The following FBXO4 variants were observed in gnomAD, a reference collection of about 807,000 sequenced individuals.
FBXO4 encodes F-box protein 4.
Under a neutral mutation model 43.7 loss-of-function variants are expected in FBXO4, and 36 were observed. The ratio of observed to expected loss-of-function variants is 0.82; its 90% CI spans 0.63 to 1.09. The LOEUF is 1.09. Among genes scored for constraint, FBXO4 ranks in the 50% least tolerant of loss-of-function variants. The pLI, the probability that FBXO4 is intolerant of heterozygous loss-of-function variation, is 0.00. For missense variants in FBXO4, 435 were observed against 474.1 expected, an observed-to-expected ratio of 0.92 and a Z score of 0.77; for synonymous variants, 180 against 165.6, an observed-to-expected ratio of 1.09 and a Z score of -0.67.
At chr5:41,972,270 T>C in the FBXO4 span, among the ~76,000 whole-genome samples, 6 of 152,056 alleles carry the variant, frequency 3.9e-5, no homozygotes, top group African/African-American at 1.4e-4. Context: ...AAAATCAATG[T>C]ATAAAAATTA....
At chr5:41,953,567 G>T in the FBXO4 span, among the ~76,000 whole-genome samples, 1 of 150,250 alleles carries the variant, frequency 6.7e-6, no homozygotes, top group Non-Finnish European at 1.5e-5. Context: ...CTGAGGAATC[G>T]CCACACTGAC....
At chr5:42,010,606 A>T in the FBXO4 span, among the ~76,000 whole-genome samples, 19 of 152,136 alleles carry the variant, frequency 1.2e-4, no homozygotes, top group African/African-American at 4.6e-4. Flanking sequence ...ACTGATGGAC[A>T]CTTGCACTGC....
the FBXO4 span, among the ~76,000 whole-genome samples, chr5:41,975,160 C>T: frequency 6.6e-5 from 10 of 152,338 alleles, no homozygotes; most frequent in East Asian, 1.9e-3. Context: ...TATGGTCTCT[C>T]ACTAGCCCAC....
chr5:41,958,549 C>A, the FBXO4 span, among the ~76,000 whole-genome samples: 1 of 152,188 alleles, frequency 6.6e-6, no homozygotes, highest in Admixed American at 6.5e-5. Context: ...CCAACATCTC[C>A]CCAATCTCAC....
chr5:41,989,455 T>C, the FBXO4 span, among the ~76,000 whole-genome samples: 2 of 152,126 alleles, frequency 1.3e-5, no homozygotes, highest in African/African-American at 2.4e-5. Context: ...CAAGTTACTG[T>C]AGAGAAAGAT....
At chr5:41,945,526 C>T (rs1183677209), downstream of FBXO4, among the ~76,000 whole-genome samples, 1 of 152,092 alleles carries the variant, frequency 6.6e-6, no homozygotes, top group African/African-American at 2.4e-5. Flanking sequence ...GTTGGACTGC[C>T]AGAATGAGAC....
At chr5:41,961,197 A>G in the FBXO4 span, among the ~76,000 whole-genome samples, 1 of 152,126 alleles carries the variant, frequency 6.6e-6, no homozygotes, top group Non-Finnish European at 1.5e-5. Flanking sequence ...TGAAGGTTAC[A>G]GGCATCTTCA....
the FBXO4 span, among the ~76,000 whole-genome samples, chr5:42,004,141 A>G: frequency 6.6e-6 from 1 of 152,166 alleles, no homozygotes. Flanking sequence ...GTATTTCTGT[A>G]GACACCTCCT....
chr5:41,963,526 T>G, the FBXO4 span, among the ~76,000 whole-genome samples: 12,098 of 152,216 alleles, frequency 0.079, 690 homozygotes, highest in African/African-American at 0.16. Flanking sequence ...TGACCAGAAG[T>G]CTTACTGATA....
the FBXO4 span, among the ~76,000 whole-genome samples, chr5:42,037,464 G>A: frequency 6.6e-6 from 1 of 151,958 alleles, no homozygotes; most frequent in African/African-American, 2.4e-5. Flanking sequence ...AAGAAGGGAG[G>A]GGAAAAACAA....
chr5:42,017,655 A>C, the FBXO4 span, among the ~76,000 whole-genome samples: 1 of 149,740 alleles, frequency 6.7e-6, no homozygotes, highest in South Asian at 2.1e-4. Flanking sequence ...TAAGTACCTG[A>C]TGTTTAACTC....
the FBXO4 span, among the ~76,000 whole-genome samples, chr5:42,032,870 G>C: frequency 6.6e-6 from 1 of 152,124 alleles, no homozygotes; most frequent in East Asian, 1.9e-4. Context: ...GGTCTCAGAG[G>C]CTCACCCAAA....
chr5:41,971,189 T>C, the FBXO4 span, among the ~76,000 whole-genome samples: 35 of 149,354 alleles, frequency 2.3e-4, no homozygotes, highest in African/African-American at 8.8e-4. Context: ...TTTATATTGA[T>C]GTAAAACTAG....
the FBXO4 span, among the ~76,000 whole-genome samples, chr5:42,025,654 G>T: frequency 6.6e-6 from 1 of 151,664 alleles, no homozygotes; most frequent in African/African-American, 2.4e-5. Context: ...GCATTTTATT[G>T]TAGTAGTTTC....
the FBXO4 span, among the ~76,000 whole-genome samples, chr5:42,018,433 A>C: frequency 2.0e-5 from 3 of 152,118 alleles, no homozygotes; most frequent in Non-Finnish European, 4.4e-5. Flanking sequence ...CTTAGGGAAT[A>C]ACATGAAGAA....
At chr5:41,961,793 TC>T in the FBXO4 span, among the ~76,000 whole-genome samples, 28 of 152,250 alleles carry the variant, frequency 1.8e-4, no homozygotes, top group Admixed American at 5.2e-4. Context: ...TGCAGACACA[TC>T]TCCTTTTCTG....
chr5:41,995,614 C>T, the FBXO4 span, among the ~76,000 whole-genome samples: 6 of 152,128 alleles, frequency 3.9e-5, no homozygotes, highest in African/African-American at 1.4e-4. Flanking sequence ...GTGGTGTCCA[C>T]AGAACTAGTC....
chr5:41,952,880 T>C, the FBXO4 span, among the ~76,000 whole-genome samples: 2 of 152,166 alleles, frequency 1.3e-5, no homozygotes, highest in African/African-American at 4.8e-5. Flanking sequence ...TTGTTATTTT[T>C]AGTTTCCCTT....
the FBXO4 span, among the ~76,000 whole-genome samples, chr5:41,973,706 G>C: frequency 2.0e-5 from 3 of 152,050 alleles, no homozygotes; most frequent in African/African-American, 7.2e-5. Context: ...CTTAAAACAG[G>C]ACTATCATTT....
Sources: allele counts gnomAD v4.1 joint callset (sites outside exome capture counted in the v4.1 genomes callset), GRCh38; gene constraint gnomAD v4.1.1; transcripts MANE v1.5; gene names NCBI Gene and HGNC (gene_info 2026-07-23, HGNC 2026-07-21).